The following ZNF202 variants were observed in gnomAD, a reference collection of about 807,000 sequenced individuals.
The protein encoded by ZNF202 is zinc finger protein with KRAB and SCAN domains 10.
ZNF202 carries 22 observed loss-of-function variants against 54.5 expected under a neutral mutation model. The ratio of observed to expected loss-of-function variants is 0.40; its 90% CI spans 0.29 to 0.58. The LOEUF is 0.58. Ranked by LOEUF, ZNF202 falls within the 20% of genes least tolerant of loss-of-function variation. The pLI is 0.39. For synonymous variants in ZNF202, 294 were observed against 301.4 expected (o/e 0.98, Z 0.26); for missense variants, 644 against 805.5 (o/e 0.80, Z 2.43).
At chr11:123,729,004 G>C in intron 6 of ZNF202, 122 bp downstream of exon 6, 3 of 929,278 alleles carry the variant, frequency 3.2e-6, no homozygotes, top group South Asian at 1.5e-5. Flanking sequence ...GGTACCTGCA[G>C]AACTGTGAGC....
chr11:123,738,940 G>A (rs1044987329), intron 3 of ZNF202: 1 of 152,214 alleles, frequency 6.6e-6, no homozygotes, highest in Non-Finnish European at 1.5e-5. Context: ...AGGAATCTCA[G>A]AAGTCATTCT....
At position 123,725,825 on chromosome 11, in the gene ZNF202, T is replaced by C. The variant is rs1416743655; in HGVS notation, c.*172A>G. ...ATCCCCTCAAGGCGTAGAGGAAGGC[T>C]GAGAGGTTCTGCCCAGGCTCGTGTT... is the stretch of plus-strand genomic sequence containing the variant. On this transcript the variant is annotated 3_prime_UTR_variant, in exon 9 of 9. Coordinates refer to ENST00000530393, the MANE Select transcript of ZNF202 (RefSeq NM_003455.4). 7 of 734,160 alleles carry C rather than the reference T, an allele frequency of 9.5e-6. No homozygotes were observed. The highest frequency in any genetic ancestry group is 1.8e-5 in the African/African-American group (1 of 56,220). The allele number at this position is 734,160 out of a possible 1,614,324, so 45.5% of individuals were successfully genotyped here.
At chr11:123,727,442 C>T in intron 8 of ZNF202, 34 bp downstream of exon 8, 1 of 1,612,124 alleles carries the variant, frequency 6.2e-7, no homozygotes, top group South Asian at 1.1e-5. Context: ...ACTGCTGGCT[C>T]AGGGTGGGTA....
Position 123,726,246 on chromosome 11 carries a change from G to A in ZNF202, c.1698C>T (p.Leu566=). ...TGAAGCAGCGCCCGCACTCGCTGCA[G>A]AGGTAGAGTTCCTCAGCAGCGTGCG... The part of the protein sequence containing the change: ...RKTHAAEELY[L]CSECGRCFTH... The change falls in exon 9 of 9, where the codon CTC becomes CTT. Residue 566 remains leucine (L), a synonymous_variant. Transcript: ENST00000530393. The surrounding 1 kb of genome is among the most constrained non-coding windows in gnomAD (Gnocchi z 6.0). The A allele has an allele frequency of 6.2e-7, 1 of 1,614,228 alleles. No individual in the cohort carries two copies. Among genetic ancestry groups the A allele is most frequent in the Non-Finnish European group, 8.5e-7 (1 of 1,180,036 alleles).
intron 3 of ZNF202, among the ~76,000 whole-genome samples, chr11:123,737,834 T>G (rs1329988322): frequency 2.0e-5 from 3 of 152,174 alleles, no homozygotes; most frequent in African/African-American, 7.2e-5. Flanking sequence ...CAGCTCATGT[T>G]GAGTCTTGGG....
chr11:123,730,732 G>T lies in ZNF202; in HGVS notation c.157C>A (p.Arg53Ser). 1 of 1,614,240 alleles carries T rather than the reference G, an allele frequency of 6.2e-7. No homozygotes were observed. Among genetic ancestry groups the T allele is most frequent in the Non-Finnish European group, 8.5e-7 (1 of 1,180,036 alleles). ...CTAGGGCTTGCTGCCTCCTGGTAGC[G>T]GAAGCGTCGGAAGTTCTGGTGGGAG... Reference protein sequence around the residue: ...ETSHQNFRRFRYQEAASPREA... With the variant: ...ETSHQNFRRFSYQEAASPREA... The change falls in exon 4 of 9, where the codon CGC (arginine) becomes AGC (serine). Residue 53 changes from arginine (R) to serine (S), a missense_variant. By Grantham distance (110) the Arg-to-Ser change is moderately radical. This residue lies in a region of ZNF202 where 62 missense variants were observed against 122.8 expected (regional missense o/e 0.50). Transcript: ENST00000530393. This position sits in a 1 kb window ranked among gnomAD's most constrained non-coding sequence, Gnocchi z 6.0.
intron 3 of ZNF202, chr11:123,739,486 G>A (rs1565532096): frequency 6.6e-6 from 1 of 151,174 alleles, no homozygotes; most frequent in Non-Finnish European, 1.5e-5. Flanking sequence ...GCAATACTAG[G>A]AATTCACAGC....
At chr11:123,727,083 G>C in intron 8 of ZNF202, 92 bp from the exon 9 acceptor site, 1 of 1,478,116 alleles carries the variant, frequency 6.8e-7, no homozygotes, top group Middle Eastern at 1.8e-4. Context: ...GTTTTGAGAT[G>C]GCAAGACTAA....
At chr11:123,740,352 T>C (rs888382042) in intron 2 of ZNF202, 65 bp downstream of exon 2, 1 of 152,312 alleles carries the variant, frequency 6.6e-6, no homozygotes, top group African/African-American at 2.4e-5. Flanking sequence ...CAGAAAGTTA[T>C]CCCAGACTGC....
Position 123,726,350 on chromosome 11 carries a change from G to C in ZNF202, c.1594C>G (p.Leu532Val). 6.2e-7 allele frequency: 1 copy of C among 1,614,218 alleles called. No homozygotes were observed. The highest frequency in any genetic ancestry group is 2.2e-5 in the East Asian group (1 of 44,878). ...SVLTTHQRIH[L>V]GGKPYLCGEC... ...CCACACAAGTAGGGTTTGCCTCCCA[G>C]GTGGATTCTTTGGTGTGTTGTTAAC... Residue 532 changes from leucine (L) to valine (V), a missense_variant, in exon 9 of 9, where the codon CTG (leucine) becomes GTG (valine). Leu to Val is a conservative substitution (Grantham distance 32). Around this residue, in one of 3 missense-constraint regions of ZNF202, gnomAD observed 536 missense variants for 635.3 expected, o/e 0.84. Coordinates refer to ENST00000530393, the MANE Select transcript of ZNF202 (RefSeq NM_003455.4). The surrounding 1 kb of genome is among the most constrained non-coding windows in gnomAD (Gnocchi z 6.0).
Position 123,741,609 on chromosome 11 carries a change from C to T in ZNF202, c.-354G>A, listed in dbSNP as rs549889434. On this transcript the variant is annotated 5_prime_UTR_variant, in exon 1 of 9. Transcript: ENST00000530393. ...GGCTTCTCTCCCACCCACTCCCGAC[C>T]GAAACAGCGCCGCCGGATCCGAGCC... The T allele has an allele frequency of 6.5e-6, 1 of 152,734 alleles. No individual in the cohort carries two copies. The highest frequency in any genetic ancestry group is 1.5e-5 in the Non-Finnish European group (1 of 68,136). The allele number at this position is 152,734 out of a possible 1,614,324, so 9.5% of individuals were successfully genotyped here. A position where few individuals can be genotyped will look rare whatever the true frequency, so the allele number is the denominator to read the frequency against.
chr11:123,734,292 T>C (rs1861541482), intron 3 of ZNF202, among the ~76,000 whole-genome samples: 2 of 152,190 alleles, frequency 1.3e-5, no homozygotes, highest in South Asian at 4.1e-4. Flanking sequence ...TGCCAATGGC[T>C]TCCCAGTGAC....
At chr11:123,728,795 C>G (rs1861270388) in intron 6 of ZNF202, among the ~76,000 whole-genome samples, 1 of 150,048 alleles carries the variant, frequency 6.7e-6, no homozygotes, top group Admixed American at 6.7e-5. Context: ...GTCATACTTA[C>G]AAATGACTAT....
chr11:123,738,299 C>A (rs1861713471), intron 3 of ZNF202, among the ~76,000 whole-genome samples: 1 of 152,226 alleles, frequency 6.6e-6, no homozygotes, highest in Admixed American at 6.5e-5. Context: ...GTGTGAGCCA[C>A]TGCACCCAGC....
In ZNF202 at chr11:123,726,292, C is replaced by G; in HGVS notation, c.1652G>C (p.Arg551Pro). 1 of 1,614,198 alleles carries G rather than the reference C, an allele frequency of 6.2e-7. No individual in the cohort carries two copies. Among genetic ancestry groups the G allele is most frequent in the South Asian group, 1.1e-5 (1 of 91,084 alleles). ...ECGEDFSEHR[R>P]YLAHRKTHAA... is the part of the protein sequence containing the mutation. The stretch of plus-strand genomic sequence containing the variant: ...GTGCGTCTTCCGGTGCGCCAGGTAC[C>G]GCCTGTGTTCACTGAAGTCCTCACC... Residue 551 changes from arginine (R) to proline (P), a missense_variant, in exon 9 of 9, where the codon CGG (arginine) becomes CCG (proline). By Grantham distance (103) the Arg-to-Pro change is moderately radical (BLOSUM62 -2). Coordinates refer to ENST00000530393, the MANE Select transcript of ZNF202 (RefSeq NM_003455.4). The surrounding 1 kb of genome is among the most constrained non-coding windows in gnomAD (Gnocchi z 6.0).
At chr11:123,728,065 C>T in intron 7 of ZNF202, 68 bp downstream of exon 7, 2 of 1,553,530 alleles carry the variant, frequency 1.3e-6, no homozygotes, top group Non-Finnish European at 1.7e-6. Context: ...GTCTAAGATC[C>T]CCCAAAATTT....
Position 123,730,625 on chromosome 11 carries a change from C to T in ZNF202, c.264G>A (p.Leu88=). ...CGGTAAGAAATTGTTCCAGCACAAG[C>T]AGCTCTAGGATCTGCTCCTTTGTCC... ...ERRTKEQILE[L]LVLEQFLTVL... The change falls in exon 4 of 9, where the codon CTG becomes CTA. Residue 88 remains leucine (L), a synonymous_variant. Transcript: ENST00000530393. The surrounding 1 kb of genome is among the most constrained non-coding windows in gnomAD (Gnocchi z 6.0). 6.2e-7 allele frequency: 1 copy of T among 1,613,014 alleles called. No homozygotes were observed. Among genetic ancestry groups the T allele is most frequent in the South Asian group, 1.1e-5 (1 of 90,950 alleles).
intron 3 of ZNF202, chr11:123,738,620 G>A (rs1425944288): frequency 2.0e-5 from 3 of 152,204 alleles, no homozygotes; most frequent in Admixed American, 6.5e-5. Flanking sequence ...ATGCCAATCA[G>A]ATAGTCAGAG....
In ZNF202 at chr11:123,727,419, A is replaced by T. The variant is rs893004323; in HGVS notation, c.952+57T>A. ...CGGGGCCCTACAGAGAGAGAGAAGC[A>T]CTGCCTAGAGGAACTGCTGGCTCAG... On this transcript the variant is annotated intron_variant, in intron 8 of 8. Transcript: ENST00000530393. 3.1e-6 allele frequency: 5 copies of T among 1,607,004 alleles called. No homozygotes were observed. The Middle Eastern group carries it at 9.4e-4, about 303-fold the overall frequency.
Sources: gnomAD v4.1 joint callset for allele counts (sites outside exome capture counted in the v4.1 genomes callset) on GRCh38, gnomAD v4.1.1 for gene constraint, gnomAD v4.1.1 regional missense constraint, Gnocchi (gnomAD v3.1) non-coding constraint, MANE v1.5 for transcripts, NCBI Gene and HGNC (gene_info 2026-07-23, HGNC 2026-07-21) for gene names.